Variants in TMEFF2 observed in about 807,000 individuals in gnomAD.
TMEFF2 encodes tomoregulin-2.
A neutral mutation model predicts 53.8 loss-of-function variants in TMEFF2; 28 were observed. The ratio of observed to expected loss-of-function variants is 0.52; its 90% CI spans 0.39 to 0.71. The LOEUF is 0.71. Among genes scored for constraint, TMEFF2 ranks in the 30% least tolerant of loss-of-function variants. The pLI, the probability that TMEFF2 is intolerant of heterozygous loss-of-function variation, is 0.00. For missense variants in TMEFF2, 353 were observed against 455.2 expected, an observed-to-expected ratio of 0.78 and a Z score of 2.04; for synonymous variants, 162 against 166.3, an observed-to-expected ratio of 0.97 and a Z score of 0.20.
intron 4 of TMEFF2, among the ~76,000 whole-genome samples, chr2:192,076,788 CA>C (rs1410224203): frequency 6.6e-6 from 1 of 152,246 alleles, no homozygotes; most frequent in East Asian, 1.9e-4. Context: ...CAGGGTGTCC[CA>C]CCACAGATGG....
chr2:192,091,785 A>T (rs1212239407), intron 4 of TMEFF2, among the ~76,000 whole-genome samples: 2 of 152,142 alleles, frequency 1.3e-5, no homozygotes, highest in Non-Finnish European at 2.9e-5. Flanking sequence ...ACTCATTAAA[A>T]GCTATGAACT....
chr2:192,129,369 G>GAA (rs11313016), intron 4 of TMEFF2, among the ~76,000 whole-genome samples: 52 of 143,832 alleles, frequency 3.6e-4, no homozygotes, highest in African/African-American at 9.3e-4. Flanking sequence ...ATGTTTAATA[G>GAA]AAAAAAAAAA....
chr2:192,118,381 T>G (rs1424778786), intron 4 of TMEFF2, among the ~76,000 whole-genome samples: 1 of 152,164 alleles, frequency 6.6e-6, no homozygotes, highest in Non-Finnish European at 1.5e-5. Context: ...ATGTAACTAC[T>G]CCTCCATAAT....
intron 4 of TMEFF2, among the ~76,000 whole-genome samples, chr2:192,151,342 C>A (rs1038699136): frequency 6.6e-6 from 1 of 151,862 alleles, no homozygotes; most frequent in African/African-American, 2.4e-5. Context: ...CCACATAATT[C>A]TAATATCTAG....
intron 7 of TMEFF2, among the ~76,000 whole-genome samples, chr2:191,959,728 T>C (rs1692216726): frequency 6.6e-6 from 1 of 152,168 alleles, no homozygotes; most frequent in African/African-American, 2.4e-5. Flanking sequence ...ACATTATGGA[T>C]CAAAGCAGAA....
At chr2:191,953,349 A>G (rs1691945456) in intron 9 of TMEFF2, among the ~76,000 whole-genome samples, 1 of 152,254 alleles carries the variant, frequency 6.6e-6, no homozygotes, top group Non-Finnish European at 1.5e-5. Flanking sequence ...ATCCTAAGAT[A>G]AAAATGTGTT....
intron 7 of TMEFF2, among the ~76,000 whole-genome samples, chr2:191,979,834 ATATATATCTC>A (rs1361768453): frequency 1.3e-5 from 2 of 151,692 alleles, no homozygotes; most frequent in South Asian, 2.1e-4. Context: ...ATATATATCT[ATATATATCTC>A]TATCTATCTA....
chr2:191,971,765 C>T (rs957761785), intron 7 of TMEFF2, among the ~76,000 whole-genome samples: 6 of 152,092 alleles, frequency 3.9e-5, no homozygotes, highest in Admixed American at 3.3e-4. Flanking sequence ...TAGACAGTTT[C>T]TCTCTGGAAG....
chr2:191,975,010 A>G (rs1574258490), intron 7 of TMEFF2, among the ~76,000 whole-genome samples: 1 of 152,232 alleles, frequency 6.6e-6, no homozygotes, highest in Non-Finnish European at 1.5e-5. Context: ...ATGGGAAATT[A>G]CCTAAATTTT....
At chr2:192,142,479 G>A (rs1690161257) in intron 4 of TMEFF2, among the ~76,000 whole-genome samples, 1 of 151,954 alleles carries the variant, frequency 6.6e-6, no homozygotes, top group African/African-American at 2.4e-5. Flanking sequence ...CTGAAGATTG[G>A]CAAACGATGG....
intron 5 of TMEFF2, among the ~76,000 whole-genome samples, chr2:192,012,256 A>G (rs1183659673): frequency 6.6e-6 from 1 of 152,248 alleles, no homozygotes; most frequent in African/African-American, 2.4e-5. Context: ...GTGTCACACT[A>G]TATATGGACA....
chr2:192,019,016 G>A (rs1324374648), intron 5 of TMEFF2, among the ~76,000 whole-genome samples: 1 of 151,744 alleles, frequency 6.6e-6, no homozygotes, highest in Non-Finnish European at 1.5e-5. Flanking sequence ...AATGCTTGGT[G>A]TTTAAAGAAA....
chr2:191,974,233 T>C (rs766775959), intron 7 of TMEFF2, among the ~76,000 whole-genome samples: 5 of 152,172 alleles, frequency 3.3e-5, no homozygotes, highest in African/African-American at 7.2e-5. Flanking sequence ...AACAATTTTG[T>C]GTGAAAGCTA....
At chr2:191,964,408 CTTTCTT>C (rs1559063788) in intron 7 of TMEFF2, among the ~76,000 whole-genome samples, 117 of 81,804 alleles carry the variant, frequency 1.4e-3, no homozygotes, top group African/African-American at 6.4e-3. Flanking sequence ...CTCTTTCTTT[CTTTCTT>C]TCTTTCTTTC....
intron 4 of TMEFF2, among the ~76,000 whole-genome samples, chr2:192,076,712 GA>G (rs1179589188): frequency 6.6e-6 from 1 of 152,170 alleles, no homozygotes; most frequent in African/African-American, 2.4e-5. Flanking sequence ...GTGGCAGGGA[GA>G]GTGAAATTGA....
chr2:192,063,017 C>T lies in TMEFF2; in HGVS notation c.440-5242G>A, dbSNP rs549199870. The stretch of plus-strand genomic sequence containing the variant: ...TGCTATTCAATTACAAATTTGATTT[C>T]TTTATACAAGGCTATTTCACTTTTT... On this transcript the variant is annotated intron_variant, in intron 4 of 9. Coordinates refer to ENST00000272771, the MANE Select transcript of TMEFF2 (RefSeq NM_016192.4). Among the ~76,000 whole-genome samples, 34 of 148,522 alleles carry T rather than the reference C, an allele frequency of 2.3e-4. 1 individual carries two copies. The South Asian group carries it at 7.0e-3, about 30-fold the overall frequency.
chr2:192,141,328 C>T (rs1690132631), intron 4 of TMEFF2, among the ~76,000 whole-genome samples: 1 of 151,960 alleles, frequency 6.6e-6, no homozygotes, highest in African/African-American at 2.4e-5. Flanking sequence ...TGGTGCATGC[C>T]TGTAATCCCA....
intron 4 of TMEFF2, among the ~76,000 whole-genome samples, chr2:192,069,943 GT>G (rs879761247): frequency 1.1e-3 from 107 of 98,496 alleles, no homozygotes; most frequent in Non-Finnish European, 1.8e-3. Flanking sequence ...CAATTTCCCT[GT>G]TTTTTCTAGA....
At chr2:191,981,170 G>T (rs1239559467) in intron 7 of TMEFF2, among the ~76,000 whole-genome samples, 1 of 152,032 alleles carries the variant, frequency 6.6e-6, no homozygotes, top group Non-Finnish European at 1.5e-5. Flanking sequence ...TATTGCAAAT[G>T]AGGAAAGAGA....
Sources: allele counts gnomAD v4.1 joint callset (sites outside exome capture counted in the v4.1 genomes callset), GRCh38; gene constraint gnomAD v4.1.1; transcripts MANE v1.5; gene names NCBI Gene and HGNC (gene_info 2026-07-23, HGNC 2026-07-21).